The following TENM3 variants were observed in gnomAD, a reference collection of about 807,000 sequenced individuals.
TENM3 encodes the protein teneurin-3.
In TENM3, 63 loss-of-function variants were observed where a neutral mutation model predicts 255.1. The ratio of observed to expected loss-of-function variants is 0.25; its 90% CI spans 0.20 to 0.30. The LOEUF is 0.30. TENM3 is among the 10% of genes least tolerant of loss of function. The pLI, the probability that TENM3 is intolerant of heterozygous loss-of-function variation, is 1.00. For synonymous variants in TENM3, 1,306 were observed against 1,322.3 expected (o/e 0.99, Z 0.27); for missense variants, 2,929 against 3,461.1 (o/e 0.85, Z 3.86).
chr4:182,754,855 G>A lies in TENM3; in HGVS notation c.4488G>A (p.Arg1496=). Residue 1496 remains arginine, a synonymous_variant, in exon 22 of 28, where the codon CGG becomes CGA. Coordinates refer to ENST00000511685, the MANE Select transcript of TENM3 (RefSeq NM_001080477.4). The surrounding 1 kb of genome is among the most constrained non-coding windows in gnomAD (Gnocchi z 5.1). ...YIADLGNIRI[R]AVSKNKPLLN... Reference sequence around the variant, plus strand: ...CAGATCTAGGGAATATCCGGATCCGGGCTGTGTCAAAGAATAAGCCTTTAC... The same window carrying A: ...CAGATCTAGGGAATATCCGGATCCGAGCTGTGTCAAAGAATAAGCCTTTAC... 1 of 1,613,970 alleles carries A rather than the reference G, an allele frequency of 6.2e-7. No homozygotes were observed. Among genetic ancestry groups the A allele is most frequent in the Non-Finnish European group, 8.5e-7 (1 of 1,179,882 alleles).
intron 3 of TENM3, among the ~76,000 whole-genome samples, chr4:182,385,824 TA>T (rs1449174088): frequency 6.6e-6 from 1 of 152,226 alleles, no homozygotes; most frequent in Non-Finnish European, 1.5e-5. Context: ...TAAATTATCA[TA>T]TGAGATACAG....
chr4:182,660,620 C>T (rs1030099985), intron 6 of TENM3, among the ~76,000 whole-genome samples: 2 of 152,158 alleles, frequency 1.3e-5, no homozygotes, highest in African/African-American at 4.8e-5. Flanking sequence ...AAATCAGCAT[C>T]GGTAGTATCC....
At chr4:182,563,624 A>G (rs1222819788) in intron 3 of TENM3, among the ~76,000 whole-genome samples, 2 of 152,314 alleles carry the variant, frequency 1.3e-5, no homozygotes, top group South Asian at 2.1e-4. Flanking sequence ...CAATACTATG[A>G]TGTAGCAGGG....
chr4:182,705,179 C>T (rs6858496), intron 12 of TENM3, among the ~76,000 whole-genome samples: 117,709 of 152,066 alleles, frequency 0.77, 45,978 homozygotes, highest in East Asian at 0.89. Context: ...TATTTGTAGA[C>T]TGTAGCTTTT....
At chr4:181,645,578 T>C in the TENM3 span, among the ~76,000 whole-genome samples, 2 of 152,158 alleles carry the variant, frequency 1.3e-5, no homozygotes, top group African/African-American at 4.8e-5. Context: ...GAAGGTGAAA[T>C]GCTTAAAAAT....
intron 1 of TENM3, among the ~76,000 whole-genome samples, chr4:182,213,707 GACAA>G (rs1755209104): frequency 6.6e-6 from 1 of 152,106 alleles, no homozygotes; most frequent in African/African-American, 2.4e-5. Flanking sequence ...AATTCTGAGC[GACAA>G]ACAAACCCCA....
At chr4:182,116,545 C>T in the TENM3 span, among the ~76,000 whole-genome samples, 1 of 152,138 alleles carries the variant, frequency 6.6e-6, no homozygotes, top group Non-Finnish European at 1.5e-5. Flanking sequence ...TGCTGGCACT[C>T]ATTCTCTGTC....
chr4:182,697,866 C>T (rs765385411), intron 12 of TENM3: 2 of 152,052 alleles, frequency 1.3e-5, no homozygotes, highest in Non-Finnish European at 2.9e-5. Flanking sequence ...AGGTGGAGGC[C>T]CTGTTTGGTT....
chr4:182,230,266 G>A (rs1393935077), intron 1 of TENM3, among the ~76,000 whole-genome samples: 6 of 151,930 alleles, frequency 3.9e-5, no homozygotes, highest in African/African-American at 1.5e-4. Context: ...CCCTGCACAC[G>A]TCTTCCACCA....
chr4:182,773,364 A>AAAT (rs1764420213), intron 22 of TENM3, 108 bp from the exon 23 acceptor site: 1 of 1,027,574 alleles, frequency 9.7e-7, no homozygotes, highest in African/African-American at 1.6e-5. Context: ...CCACGAAGAC[A>AAAT]AATAGTCCTC....
the TENM3 span, among the ~76,000 whole-genome samples, chr4:182,096,949 G>A: frequency 2.2e-4 from 33 of 152,288 alleles, 1 homozygote; most frequent in East Asian, 3.7e-3. Context: ...TAATGGGTAG[G>A]AGTAAACTGT....
the TENM3 span, among the ~76,000 whole-genome samples, chr4:181,599,115 G>A: frequency 0.024 from 3,620 of 152,176 alleles, 167 homozygotes; most frequent in African/African-American, 0.083. Flanking sequence ...CAAAAATATC[G>A]AGTTATCCCC....
chr4:182,609,120 G>C (rs983991315), intron 4 of TENM3, among the ~76,000 whole-genome samples: 9 of 152,180 alleles, frequency 5.9e-5, no homozygotes, highest in Non-Finnish European at 1.5e-5. Context: ...CCTGCTGGGA[G>C]GCTACTCCAT....
chr4:182,631,259 C>G (rs1751338386), intron 5 of TENM3, among the ~76,000 whole-genome samples: 2 of 152,040 alleles, frequency 1.3e-5, no homozygotes, highest in Non-Finnish European at 2.9e-5. Context: ...TTGTTTTGAT[C>G]TAGTTATTGT....
At chr4:181,925,855 T>C in the TENM3 span, among the ~76,000 whole-genome samples, 1 of 152,220 alleles carries the variant, frequency 6.6e-6, no homozygotes, top group Non-Finnish European at 1.5e-5. Flanking sequence ...CCAAGTTACT[T>C]GATTCAGAAG....
the TENM3 span, among the ~76,000 whole-genome samples, chr4:181,497,757 C>A: frequency 6.6e-6 from 1 of 152,050 alleles, no homozygotes; most frequent in African/African-American, 2.4e-5. Flanking sequence ...ACTTAATAAC[C>A]CCGCAAACTA....
intron 6 of TENM3, among the ~76,000 whole-genome samples, chr4:182,664,074 C>T (rs1754443792): frequency 6.6e-6 from 1 of 152,228 alleles, no homozygotes; most frequent in Non-Finnish European, 1.5e-5. Flanking sequence ...ATGCTTTCAT[C>T]GTATTACAGG....
At chr4:182,230,812 CTATATATATATATATATATATATATATA>C (rs55642239) in intron 1 of TENM3, among the ~76,000 whole-genome samples, 10,078 of 58,274 alleles carry the variant, frequency 0.17, 848 homozygotes, top group South Asian at 0.2. Context: ...GTTTCTCAAA[CTATATATATATATATATATATATATATA>C]TATATATATA....
At chr4:182,770,377 ACCCAAGGC>A (rs1316764920) in intron 22 of TENM3, among the ~76,000 whole-genome samples, 1 of 151,990 alleles carries the variant, frequency 6.6e-6, no homozygotes, top group Non-Finnish European at 1.5e-5. Flanking sequence ...GAGGAGATCC[ACCCAAGGC>A]TCCCTTCCAG....
Sources: gnomAD v4.1 joint callset for allele counts (sites outside exome capture counted in the v4.1 genomes callset) on GRCh38, gnomAD v4.1.1 for gene constraint, Gnocchi (gnomAD v3.1) non-coding constraint, MANE v1.5 for transcripts, NCBI Gene and HGNC (gene_info 2026-07-23, HGNC 2026-07-21) for gene names.